The following CSMD1 variants were observed in gnomAD, a reference collection of about 807,000 sequenced individuals.
The protein encoded by CSMD1 is CUB and Sushi multiple domains 1.
Under a neutral mutation model 417.5 loss-of-function variants are expected in CSMD1, and 213 were observed. That is an observed-to-expected ratio of 0.51 (90% confidence interval 0.46 to 0.57). The LOEUF is 0.57. CSMD1 is among the 20% of genes least tolerant of loss of function. The probability of loss-of-function intolerance (pLI) is 0.00; values close to 1 mark genes in which losing one functional copy is unlikely to be tolerated. For missense variants in CSMD1, 6,923 were observed against 4,529.7 expected (o/e 1.53, Z -15.17); for synonymous variants, 2,862 against 1,736.8 (o/e 1.65, Z -16.11).
chr8:4,246,922 T>C (rs1008673598), intron 3 of CSMD1, among the ~76,000 whole-genome samples: 2 of 152,214 alleles, frequency 1.3e-5, no homozygotes, highest in African/African-American at 4.8e-5. Context: ...AAAAAATCTT[T>C]GTAAGAGAGA....
At chr8:4,651,320 G>A (rs954038564) in intron 1 of CSMD1, among the ~76,000 whole-genome samples, 16 of 151,816 alleles carry the variant, frequency 1.1e-4, no homozygotes, top group Admixed American at 6.6e-4. Flanking sequence ...AAAAAAAAGT[G>A]TTGACAAAAT....
chr8:4,140,877 G>C (rs1803746815), intron 3 of CSMD1, among the ~76,000 whole-genome samples: 1 of 151,038 alleles, frequency 6.6e-6, no homozygotes, highest in Non-Finnish European at 1.5e-5. Context: ...TTGGGAGATT[G>C]CTGATCGCCA....
chr8:3,045,379 A>G (rs1299780739), intron 50 of CSMD1, among the ~76,000 whole-genome samples: 1 of 151,466 alleles, frequency 6.6e-6, no homozygotes, highest in Non-Finnish European at 1.5e-5. Context: ...ACATCTAGAT[A>G]TGTATTTTAA....
chr8:4,083,012 C>G (rs1301151418), intron 3 of CSMD1, among the ~76,000 whole-genome samples: 2 of 151,908 alleles, frequency 1.3e-5, no homozygotes, highest in African/African-American at 4.8e-5. Flanking sequence ...TCCAGTCTAT[C>G]ATTGTTGGAC....
chr8:3,180,733 G>A (rs1207412563), intron 37 of CSMD1, among the ~76,000 whole-genome samples: 2 of 152,058 alleles, frequency 1.3e-5, no homozygotes, highest in African/African-American at 2.4e-5. Context: ...CCTCCCAGGT[G>A]ATTCTCCTGC....
At chr8:4,188,161 T>A (rs945695504) in intron 3 of CSMD1, among the ~76,000 whole-genome samples, 21 of 152,110 alleles carry the variant, frequency 1.4e-4, no homozygotes, top group African/African-American at 5.1e-4. Flanking sequence ...CGTATTTAAA[T>A]TGCACGTCAT....
intron 29 of CSMD1, among the ~76,000 whole-genome samples, chr8:3,215,316 A>G (rs939648823): frequency 1.3e-5 from 2 of 152,260 alleles, no homozygotes; most frequent in African/African-American, 4.8e-5. Flanking sequence ...ACATTGACTG[A>G]TAGATGATGG....
intron 5 of CSMD1, among the ~76,000 whole-genome samples, chr8:3,788,363 C>T (rs898652281): frequency 6.6e-6 from 1 of 152,136 alleles, no homozygotes; most frequent in Non-Finnish European, 1.5e-5. Flanking sequence ...GCCCATGCCT[C>T]CCTGTGCCCA....
At chr8:3,496,154 C>T (rs189229155) in intron 10 of CSMD1, among the ~76,000 whole-genome samples, 3 of 152,240 alleles carry the variant, frequency 2.0e-5, no homozygotes, top group East Asian at 3.9e-4. Flanking sequence ...TGAGAACATG[C>T]GGTGTTTGGT....
chr8:4,964,509 A>AAAC (rs1809721972), intron 1 of CSMD1, among the ~76,000 whole-genome samples: 1 of 149,946 alleles, frequency 6.7e-6, no homozygotes, highest in African/African-American at 2.4e-5. Flanking sequence ...CTCCAAAAAA[A>AAAC]AAAAAAAAAA....
At chr8:4,361,198 A>T (rs1284023881) in intron 3 of CSMD1, among the ~76,000 whole-genome samples, 3 of 152,216 alleles carry the variant, frequency 2.0e-5, no homozygotes, top group African/African-American at 7.2e-5. Context: ...GGCTTAAATT[A>T]GACAACTGGT....
chr8:4,069,831 A>G (rs897048375), intron 3 of CSMD1, among the ~76,000 whole-genome samples: 3 of 152,218 alleles, frequency 2.0e-5, no homozygotes, highest in Non-Finnish European at 4.4e-5. Context: ...AAGAATATCG[A>G]AATGAAGACT....
Position 3,752,510 on chromosome 8 carries a change from C to T in CSMD1, c.931+1420G>A, listed in dbSNP as rs535432650. On this transcript the variant is annotated intron_variant, in intron 6 of 69. Coordinates refer to ENST00000635120, the MANE Select transcript of CSMD1 (RefSeq NM_033225.6). ...TCTCTACTAAAAATACAAAATTAGC[C>T]GGGTGTGGTGGTCTGCACCTGTATT... is the stretch of plus-strand genomic sequence containing the variant. 1.6e-4 allele frequency among the ~76,000 whole-genome samples: 25 copies of T among 151,588 alleles called. No homozygotes were observed. In the East Asian group the frequency reaches 2.1e-3, roughly 13 times the overall value.
intron 3 of CSMD1, among the ~76,000 whole-genome samples, chr8:4,218,710 T>C (rs1800839461): frequency 6.6e-6 from 1 of 152,186 alleles, no homozygotes; most frequent in Non-Finnish European, 1.5e-5. Context: ...GAGGCAACCA[T>C]TACAGTGATG....
intron 26 of CSMD1, among the ~76,000 whole-genome samples, chr8:3,272,722 G>C (rs1348721974): frequency 1.4e-5 from 2 of 145,388 alleles, no homozygotes; most frequent in Non-Finnish European, 3.0e-5. Context: ...TCCTGATTTG[G>C]CTCTCTGTTT....
intron 25 of CSMD1, among the ~76,000 whole-genome samples, chr8:3,302,609 A>G (rs1804504418): frequency 6.6e-6 from 1 of 152,212 alleles, no homozygotes; most frequent in African/African-American, 2.4e-5. Context: ...AGACAACACA[A>G]CTACCCTCTT....
chr8:4,695,084 C>G (rs896266466), intron 1 of CSMD1, among the ~76,000 whole-genome samples: 9 of 152,106 alleles, frequency 5.9e-5, no homozygotes, highest in Admixed American at 5.2e-4. Flanking sequence ...ACCAAGCTGG[C>G]CAACTCATCA....
At chr8:4,344,584 G>C (rs1253127209) in intron 3 of CSMD1, among the ~76,000 whole-genome samples, 4 of 151,106 alleles carry the variant, frequency 2.6e-5, no homozygotes, top group African/African-American at 9.7e-5. Flanking sequence ...GTATATATAT[G>C]ACAATGACTC....
chr8:4,375,866 A>G (rs1205294685), intron 3 of CSMD1, among the ~76,000 whole-genome samples: 6 of 152,208 alleles, frequency 3.9e-5, no homozygotes, highest in Non-Finnish European at 5.9e-5. Flanking sequence ...TAAAAGATGT[A>G]CACAACTCCC....
Sources: gnomAD v4.1 joint callset for allele counts (sites outside exome capture counted in the v4.1 genomes callset) on GRCh38, gnomAD v4.1.1 for gene constraint, MANE v1.5 for transcripts, NCBI Gene and HGNC (gene_info 2026-07-23, HGNC 2026-07-21) for gene names.